The following ERICH1 variants were observed in gnomAD, a reference collection of about 807,000 sequenced individuals.
ERICH1 encodes glutamate-rich protein 1.
In ERICH1, 56 loss-of-function variants were observed where a neutral mutation model predicts 39.6. That is an observed-to-expected ratio of 1.41 (90% confidence interval 1.14 to 1.77). The LOEUF is 1.77. Ranked by LOEUF, ERICH1 falls within the 40% of genes most tolerant of loss-of-function variation. The pLI is 0.00. For missense variants in ERICH1, 826 were observed against 575.4 expected (o/e 1.44, Z -4.45); for synonymous variants, 313 against 223.6 (o/e 1.40, Z -3.57).
chr8:713,965 CTG>C (rs1815354216), intron 2 of ERICH1, among the ~76,000 whole-genome samples: 1 of 144,514 alleles, frequency 6.9e-6, no homozygotes, highest in African/African-American at 2.8e-5. Flanking sequence ...GCGGCCTCTT[CTG>C]GCATCTCTCA....
intron 3 of ERICH1, among the ~76,000 whole-genome samples, chr8:675,786 C>A (rs868768116): frequency 3.1e-4 from 1 of 3,190 alleles, no homozygotes. Flanking sequence ...GGCGGCCCCT[C>A]GGCGAGGACA....
chr8:717,844 C>G (rs544259553), intron 1 of ERICH1, among the ~76,000 whole-genome samples: 1 of 152,208 alleles, frequency 6.6e-6, no homozygotes, highest in South Asian at 2.1e-4. Flanking sequence ...TGCTGCAGAA[C>G]GCCTGAGGCT....
chr8:682,946 A>G (rs1806460510), intron 3 of ERICH1, among the ~76,000 whole-genome samples: 1 of 152,260 alleles, frequency 6.6e-6, no homozygotes, highest in South Asian at 2.1e-4. Context: ...TAAACTTCTT[A>G]TCAAGTTGAT....
At chr8:629,806 C>A (rs928218486) in intron 3 of ERICH1, among the ~76,000 whole-genome samples, 1 of 141,286 alleles carries the variant, frequency 7.1e-6, no homozygotes, top group African/African-American at 2.9e-5. Flanking sequence ...CTCACACCCT[C>A]CTGTGAGCAC....
At chr8:626,819 A>C in intron 3 of ERICH1, 1 of 257,458 alleles carries the variant, frequency 3.9e-6, no homozygotes. Context: ...TTTATATCAC[A>C]TCATGGAGTT....
chr8:668,862 C>T (rs973498819), intron 4 of ERICH1, 70 bp from the exon 5 acceptor site: 17 of 1,428,272 alleles, frequency 1.2e-5, no homozygotes, highest in Non-Finnish European at 1.5e-5. Flanking sequence ...ATAAGCTTTC[C>T]TCTCTTAAGG....
downstream of ERICH1, among the ~76,000 whole-genome samples, chr8:663,233 G>T (rs1423063140): frequency 6.6e-6 from 1 of 152,024 alleles, no homozygotes; most frequent in Non-Finnish European, 1.5e-5. Flanking sequence ...CGGCGGGGAC[G>T]CCAAGGCTTC....
chr8:620,794 T>A (rs1463084079), intron 3 of ERICH1, among the ~76,000 whole-genome samples: 2 of 151,948 alleles, frequency 1.3e-5, no homozygotes, highest in Non-Finnish European at 2.9e-5. Flanking sequence ...AGCAAACTGG[T>A]GAAATTGAAG....
rs558385177 is a variant in ERICH1, at chr8:656,226, C to A, written c.976+12372G>T. On this transcript the variant is annotated intron_variant, in intron 3 of 3. Coordinates refer to the ERICH1 transcript ENST00000522706. ...TTCCTTCTTTTTCTGTTTTCCCCTACAAGCCTCCCGTCTGGGTGCTCAGTG... is the reference window on the plus strand; with the variant it reads ...TTCCTTCTTTTTCTGTTTTCCCCTAAAAGCCTCCCGTCTGGGTGCTCAGTG... 9.9e-5 allele frequency among the ~76,000 whole-genome samples: 15 copies of A among 152,282 alleles called. 1 individual carries two copies. In the South Asian group the frequency reaches 3.1e-3, roughly 32 times the overall value.
At chr8:712,682 C>T (rs993216376) in intron 2 of ERICH1, among the ~76,000 whole-genome samples, 5 of 152,100 alleles carry the variant, frequency 3.3e-5, no homozygotes, top group African/African-American at 1.2e-4. Context: ...TGTGATCCGC[C>T]CACCTTGGCC....
At chr8:629,828 A>G (rs868732029) in intron 3 of ERICH1, among the ~76,000 whole-genome samples, 724 of 40,554 alleles carry the variant, frequency 0.018, 2 homozygotes, top group African/African-American at 0.033. Context: ...CACACAGACA[A>G]AGCTGACACA....
chr8:698,601 A>C (rs1481980745), intron 2 of ERICH1, among the ~76,000 whole-genome samples: 1 of 151,942 alleles, frequency 6.6e-6, no homozygotes, highest in Non-Finnish European at 1.5e-5. Flanking sequence ...AAAATTACAC[A>C]CTTCTGAAAA....
intron 3 of ERICH1, chr8:615,639 T>C (rs6994245): frequency 0.22 from 40,868 of 190,014 alleles, 4,629 homozygotes; most frequent in Middle Eastern, 0.34. Context: ...CCCTTCACCA[T>C]TGGAAATCAA....
At chr8:652,117 C>G (rs1037980970) in intron 3 of ERICH1, among the ~76,000 whole-genome samples, 4 of 152,204 alleles carry the variant, frequency 2.6e-5, no homozygotes, top group Admixed American at 6.5e-5. Context: ...CTCACCTCTT[C>G]AGACAAGCGA....
intron 3 of ERICH1, among the ~76,000 whole-genome samples, chr8:657,514 G>A (rs1800806971): frequency 6.6e-6 from 1 of 151,510 alleles, no homozygotes; most frequent in Non-Finnish European, 1.5e-5. Flanking sequence ...GAACTCACAG[G>A]GGCGATGCTT....
chr8:632,807 T>G (rs62486195), intron 3 of ERICH1, among the ~76,000 whole-genome samples: 3 of 152,150 alleles, frequency 2.0e-5, no homozygotes, highest in African/African-American at 7.2e-5. Context: ...GGGGGACATT[T>G]GGCAATGTGT....
At chr8:709,972 A>G (rs755247696) in intron 2 of ERICH1, among the ~76,000 whole-genome samples, 1 of 152,222 alleles carries the variant, frequency 6.6e-6, no homozygotes, top group Non-Finnish European at 1.5e-5. Flanking sequence ...TACAATTTTA[A>G]AAAAGATTAA....
downstream of ERICH1, among the ~76,000 whole-genome samples, chr8:662,816 C>T (rs1229655601): frequency 6.6e-6 from 1 of 152,194 alleles, no homozygotes; most frequent in Non-Finnish European, 1.5e-5. Flanking sequence ...GGAAGAGCGG[C>T]TCCTGGCCAC....
intron 3 of ERICH1, among the ~76,000 whole-genome samples, chr8:637,116 CTCTCT>C (rs1309975743): frequency 1.5e-4 from 23 of 152,262 alleles, no homozygotes; most frequent in African/African-American, 5.5e-4. Context: ...GTTTCTGCTT[CTCTCT>C]TCTCTCTGCA....
Sources: gnomAD v4.1 joint callset for allele counts (sites outside exome capture counted in the v4.1 genomes callset) on GRCh38, gnomAD v4.1.1 for gene constraint, MANE v1.5 for transcripts, NCBI Gene and HGNC (gene_info 2026-07-23, HGNC 2026-07-21) for gene names.